VIT: variants seen among roughly 807,000 people sequenced by gnomAD.
The protein encoded by VIT is vitrin.
A neutral mutation model predicts 78.0 loss-of-function variants in VIT; 99 were observed. The observed-to-expected ratio is 1.27, with a 90% CI of 1.08 to 1.50. VIT has a LOEUF of 1.50. VIT is among the 40% of genes most tolerant of loss of function. The pLI, the probability that VIT is intolerant of heterozygous loss-of-function variation, is 0.00. For missense variants in VIT, 1,126 were observed against 875.3 expected, an observed-to-expected ratio of 1.29 and a Z score of -3.61; for synonymous variants, 374 against 334.3, an observed-to-expected ratio of 1.12 and a Z score of -1.29.
chr2:36,748,149 G>T (rs538125281), intron 4 of VIT, among the ~76,000 whole-genome samples: 2 of 152,238 alleles, frequency 1.3e-5, no homozygotes, highest in East Asian at 3.9e-4. Context: ...TTACCTTTAA[G>T]ACGTTTTTCT....
intron 12 of VIT, among the ~76,000 whole-genome samples, chr2:36,791,445 G>A (rs976922600): frequency 5.3e-5 from 8 of 152,210 alleles, no homozygotes; most frequent in East Asian, 1.9e-4. Context: ...CCTGGAAACC[G>A]TGAATGTTTT....
intron 6 of VIT, among the ~76,000 whole-genome samples, chr2:36,762,364 G>A (rs1669176825): frequency 6.6e-6 from 1 of 152,126 alleles, no homozygotes; most frequent in African/African-American, 2.4e-5. Flanking sequence ...GATGATCTAT[G>A]ATGGTCAGAG....
At chr2:36,726,947 T>G (rs1283561764) in intron 2 of VIT, among the ~76,000 whole-genome samples, 2 of 151,778 alleles carry the variant, frequency 1.3e-5, no homozygotes, top group Non-Finnish European at 2.9e-5. Context: ...CTATTTCATC[T>G]TATGTGCTTG....
intron 12 of VIT, among the ~76,000 whole-genome samples, chr2:36,793,017 C>T (rs1247051869): frequency 1.3e-5 from 2 of 152,136 alleles, no homozygotes; most frequent in African/African-American, 2.4e-5. Context: ...AGACCTCACT[C>T]GGGTTCTACA....
chr2:36,736,236 T>C (rs1284470676), intron 3 of VIT, among the ~76,000 whole-genome samples: 1 of 152,126 alleles, frequency 6.6e-6, no homozygotes, highest in East Asian at 1.9e-4. Context: ...CAAATAAAGA[T>C]TGAAGGGCTT....
At chr2:36,806,112 G>A (rs578120165) in intron 14 of VIT, among the ~76,000 whole-genome samples, 11 of 152,286 alleles carry the variant, frequency 7.2e-5, no homozygotes, top group Admixed American at 3.3e-4. Context: ...GTGAGATCGC[G>A]TTTTCAGATG....
chr2:36,787,596 G>C (rs1388918277), intron 12 of VIT, among the ~76,000 whole-genome samples: 1 of 152,216 alleles, frequency 6.6e-6, no homozygotes, highest in Non-Finnish European at 1.5e-5. Flanking sequence ...CTGTGGCCTT[G>C]GGCTAGGCCT....
At chr2:36,770,670 A>G (rs149876244) in intron 7 of VIT, among the ~76,000 whole-genome samples, 1 of 152,346 alleles carries the variant, frequency 6.6e-6, no homozygotes, top group African/African-American at 2.4e-5. Flanking sequence ...AGCCAGATCT[A>G]TAGATATGCT....
chr2:36,715,906 T>G (rs1666104544), intron 1 of VIT, among the ~76,000 whole-genome samples: 1 of 152,200 alleles, frequency 6.6e-6, no homozygotes, highest in African/African-American at 2.4e-5. Context: ...GTTTTTTAAT[T>G]CAATTTTTAG....
intron 2 of VIT, among the ~76,000 whole-genome samples, chr2:36,717,333 AATGTGTGTGTGTGTGT>A (rs1243477416): frequency 2.3e-4 from 24 of 102,674 alleles, no homozygotes; most frequent in Admixed American, 2.1e-4. Context: ...ACGCCTGGCT[AATGTGTGTGTGTGTGT>A]GTGTGTGTGT....
intron 8 of VIT, chr2:36,774,756 A>G (rs1669951889): frequency 1.0e-6 from 1 of 985,428 alleles, no homozygotes; most frequent in Non-Finnish European, 1.2e-6. Flanking sequence ...CTCCAAGGCC[A>G]TCTTAGGCCT....
intron 12 of VIT, among the ~76,000 whole-genome samples, chr2:36,789,180 C>T (rs780079300): frequency 3.3e-5 from 5 of 152,120 alleles, no homozygotes; most frequent in East Asian, 1.9e-4. Context: ...GAGTGGAAAG[C>T]GCAATGCACC....
chr2:36,726,330 T>C (rs750849065), intron 2 of VIT, among the ~76,000 whole-genome samples: 2 of 152,190 alleles, frequency 1.3e-5, no homozygotes, highest in Non-Finnish European at 2.9e-5. Flanking sequence ...GATCATTAAG[T>C]AGAAATAAGT....
At chr2:36,698,813 G>C (rs191344233) in intron 1 of VIT, among the ~76,000 whole-genome samples, 2 of 151,882 alleles carry the variant, frequency 1.3e-5, no homozygotes, top group Admixed American at 1.3e-4. Flanking sequence ...GCATGATGGC[G>C]GGTGCCTGTA....
intron 14 of VIT, among the ~76,000 whole-genome samples, chr2:36,806,573 G>T (rs898364848): frequency 2.0e-5 from 3 of 151,986 alleles, no homozygotes; most frequent in African/African-American, 7.3e-5. Flanking sequence ...TTCAGACGGA[G>T]TCTCACTCTG....
At chr2:36,801,193 C>A in intron 12 of VIT, 108 bp from the exon 13 acceptor site, 2 of 1,017,944 alleles carry the variant, frequency 2.0e-6, no homozygotes, top group South Asian at 1.4e-5. Context: ...TAGCAGAAGG[C>A]TTTGAAGCAG....
At chr2:36,720,692 A>T (rs535164575) in intron 2 of VIT, among the ~76,000 whole-genome samples, 12 of 152,210 alleles carry the variant, frequency 7.9e-5, no homozygotes, top group Non-Finnish European at 1.5e-4. Flanking sequence ...AGCCAGGGAA[A>T]TAGGGAGATG....
chr2:36,712,001 A>G (rs1665831106), intron 1 of VIT, among the ~76,000 whole-genome samples: 1 of 152,186 alleles, frequency 6.6e-6, no homozygotes. Flanking sequence ...AGTTTTTGTT[A>G]GAACCCGGGT....
chr2:36,711,573 C>T (rs1665799961), intron 1 of VIT, among the ~76,000 whole-genome samples: 1 of 152,178 alleles, frequency 6.6e-6, no homozygotes. Context: ...ACTCCACATC[C>T]TGCACAAGTG....
Sources: allele counts gnomAD v4.1 joint callset (sites outside exome capture counted in the v4.1 genomes callset), GRCh38; gene constraint gnomAD v4.1.1; transcripts MANE v1.5; gene names NCBI Gene and HGNC (gene_info 2026-07-23, HGNC 2026-07-21).